Variants in PEAK1 observed in about 807,000 individuals in gnomAD.
The protein encoded by PEAK1 is inactive tyrosine-protein kinase PEAK1.
PEAK1 carries 54 observed loss-of-function variants against 124.7 expected under a neutral mutation model. The ratio of observed to expected loss-of-function variants is 0.43; its 90% CI spans 0.35 to 0.54. The LOEUF (loss-of-function observed/expected upper bound fraction) is 0.54. Ranked by LOEUF, PEAK1 falls within the 20% of genes least tolerant of loss-of-function variation. PEAK1 has a pLI of 0.01. For synonymous variants in PEAK1, 719 were observed against 760.0 expected (o/e 0.95, Z 0.89); for missense variants, 2,046 against 2,134.5 (o/e 0.96, Z 0.82).
chr15:77,378,040 T>A (rs942639860), intron 1 of PEAK1, among the ~76,000 whole-genome samples: 10 of 152,064 alleles, frequency 6.6e-5, no homozygotes, highest in African/African-American at 2.2e-4. Flanking sequence ...AGACCAAGAG[T>A]GATCTCTCCT....
At chr15:77,120,630 C>T (rs1325376882) in intron 9 of PEAK1, among the ~76,000 whole-genome samples, 1 of 152,204 alleles carries the variant, frequency 6.6e-6, no homozygotes, top group African/African-American at 2.4e-5. Context: ...AAAAGCTTTC[C>T]AACTGGTCTG....
At chr15:77,363,861 T>C (rs2068055481) in intron 2 of PEAK1, among the ~76,000 whole-genome samples, 1 of 151,994 alleles carries the variant, frequency 6.6e-6, no homozygotes, top group Non-Finnish European at 1.5e-5. Flanking sequence ...AATTAATAGC[T>C]GAGGGGAGGG....
intron 5 of PEAK1, among the ~76,000 whole-genome samples, chr15:77,269,150 G>A (rs1421514250): frequency 6.6e-6 from 1 of 151,086 alleles, no homozygotes; most frequent in African/African-American, 2.4e-5. Flanking sequence ...ACGATGAATA[G>A]AATAGTACCT....
intron 2 of PEAK1, among the ~76,000 whole-genome samples, chr15:77,288,717 C>G (rs896106538): frequency 8.6e-5 from 13 of 151,970 alleles, no homozygotes; most frequent in Non-Finnish European, 1.9e-4. Flanking sequence ...CCGAGGCAGG[C>G]GGATCACGAA....
intron 6 of PEAK1, among the ~76,000 whole-genome samples, chr15:77,206,494 T>G (rs1342720090): frequency 6.7e-6 from 1 of 149,872 alleles, no homozygotes; most frequent in African/African-American, 2.5e-5. Flanking sequence ...ACCTGTTGTT[T>G]CCTGACTTTT....
At chr15:77,215,695 G>C (rs78050599) in intron 6 of PEAK1, among the ~76,000 whole-genome samples, 2,263 of 152,212 alleles carry the variant, frequency 0.015, 57 homozygotes, top group African/African-American at 0.051. Flanking sequence ...AGGCCCACTG[G>C]ACATTTAAAC....
intron 1 of PEAK1, among the ~76,000 whole-genome samples, chr15:77,388,806 C>CAAA (rs5813864): frequency 1.8e-4 from 26 of 142,800 alleles, no homozygotes; most frequent in African/African-American, 5.7e-4. Flanking sequence ...CTTCACACTA[C>CAAA]AAAAAAAAAA....
At chr15:77,256,994 G>A (rs1421665420) in intron 5 of PEAK1, among the ~76,000 whole-genome samples, 1 of 150,824 alleles carries the variant, frequency 6.6e-6, no homozygotes, top group African/African-American at 2.4e-5. Context: ...TTTTGTCCTT[G>A]CGATAGTATA....
chr15:77,255,486 G>A (rs993013212), intron 5 of PEAK1: 11 of 653,450 alleles, frequency 1.7e-5, no homozygotes, highest in Middle Eastern at 7.7e-4. Context: ...ACAACGTTTT[G>A]GGAAAACATC....
intron 2 of PEAK1, among the ~76,000 whole-genome samples, chr15:77,344,156 G>A (rs957711763): frequency 9.9e-5 from 15 of 152,010 alleles, no homozygotes; most frequent in African/African-American, 3.1e-4. Context: ...GTGCAGTGGC[G>A]CCATCTCCGC....
intron 2 of PEAK1, among the ~76,000 whole-genome samples, chr15:77,360,762 C>T (rs1030318067): frequency 1.3e-5 from 2 of 151,628 alleles, no homozygotes; most frequent in African/African-American, 4.8e-5. Flanking sequence ...TGTAAATATA[C>T]ATTTATATTA....
At chr15:77,354,431 T>C (rs1352080459) in intron 2 of PEAK1, among the ~76,000 whole-genome samples, 1 of 152,190 alleles carries the variant, frequency 6.6e-6, no homozygotes, top group African/African-American at 2.4e-5. Flanking sequence ...CTAAGTGGTC[T>C]CTCCATTCCA....
intron 8 of PEAK1, among the ~76,000 whole-genome samples, chr15:77,151,882 G>C (rs977208644): frequency 2.0e-5 from 3 of 152,074 alleles, no homozygotes; most frequent in African/African-American, 7.2e-5. Context: ...CTCTGTTTTG[G>C]TAACAGTACC....
At chr15:77,209,293 T>G (rs1329645095) in intron 6 of PEAK1, among the ~76,000 whole-genome samples, 1 of 151,944 alleles carries the variant, frequency 6.6e-6, no homozygotes, top group Non-Finnish European at 1.5e-5. Flanking sequence ...AAACGGAGAT[T>G]TTCAAAGTAA....
upstream of PEAK1, chr15:77,420,104 TAAC>T (rs1331759020): frequency 4.7e-5 from 7 of 150,488 alleles, no homozygotes; most frequent in African/African-American, 1.5e-4. Flanking sequence ...TGACACTGAC[TAAC>T]AACAACTAAC....
chr15:77,329,311 A>G (rs75313686), intron 2 of PEAK1, among the ~76,000 whole-genome samples: 4 of 152,154 alleles, frequency 2.6e-5, no homozygotes, highest in African/African-American at 7.2e-5. Flanking sequence ...ACAGGACTCA[A>G]CCTTACCACT....
At chr15:77,295,580 T>C (rs943605812) in intron 2 of PEAK1, among the ~76,000 whole-genome samples, 7 of 152,192 alleles carry the variant, frequency 4.6e-5, no homozygotes, top group African/African-American at 1.7e-4. Context: ...TGGAATTACT[T>C]GATACTGAAA....
At chr15:77,134,622 C>G (rs952243961) in intron 8 of PEAK1, among the ~76,000 whole-genome samples, 3 of 152,124 alleles carry the variant, frequency 2.0e-5, no homozygotes, top group Non-Finnish European at 4.4e-5. Flanking sequence ...TTGAATATAC[C>G]TTCAGGGCTT....
intron 2 of PEAK1, among the ~76,000 whole-genome samples, chr15:77,311,719 T>G (rs999433427): frequency 1.7e-4 from 21 of 124,364 alleles, no homozygotes; most frequent in African/African-American, 6.2e-4. Flanking sequence ...AAAAGAAAAC[T>G]AAAGGCAGAA....
Sources: allele counts gnomAD v4.1 joint callset (sites outside exome capture counted in the v4.1 genomes callset), GRCh38; gene constraint gnomAD v4.1.1; transcripts MANE v1.5; gene names NCBI Gene and HGNC (gene_info 2026-07-23, HGNC 2026-07-21).